LAMA2: variants seen among roughly 807,000 people sequenced by gnomAD.
The protein encoded by LAMA2 is laminin subunit alpha 2, also known as laminin subunit alpha-2.
In LAMA2, 269 loss-of-function variants were observed where a neutral mutation model predicts 364.8. The ratio of observed to expected loss-of-function variants is 0.74; its 90% CI spans 0.67 to 0.82. The LOEUF is 0.82. LAMA2 is among the 40% of genes least tolerant of loss of function. LAMA2 has a pLI of 0.00. For synonymous variants in LAMA2, 1,379 were observed against 1,370.6 expected (o/e 1.01, Z -0.14); for missense variants, 3,807 against 3,873.2 (o/e 0.98, Z 0.45).
chr6:129,446,597 G>A (rs1782400995), intron 45 of LAMA2, among the ~76,000 whole-genome samples: 1 of 137,932 alleles, frequency 7.2e-6, no homozygotes, highest in African/African-American at 2.7e-5. Context: ...AAAGAAAGAA[G>A]GAAGGGCAGT....
chr6:128,891,390 C>T (rs1339135767), intron 1 of LAMA2, among the ~76,000 whole-genome samples: 1 of 151,962 alleles, frequency 6.6e-6, no homozygotes, highest in Non-Finnish European at 1.5e-5. Context: ...CAAATGCCTA[C>T]ATATTATAGT....
intron 12 of LAMA2, among the ~76,000 whole-genome samples, chr6:129,200,367 C>CATATACAT (rs1782185134): frequency 8.3e-6 from 1 of 120,814 alleles, no homozygotes; most frequent in Non-Finnish European, 1.9e-5. Flanking sequence ...TACATATACA[C>CATATACAT]GTGTATGTGT....
At chr6:129,248,539 A>G (rs1407049230) in intron 12 of LAMA2, among the ~76,000 whole-genome samples, 1 of 152,178 alleles carries the variant, frequency 6.6e-6, no homozygotes, top group Non-Finnish European at 1.5e-5. Flanking sequence ...TTTCCTTTTT[A>G]GAGAAGCCAT....
At chr6:129,098,023 C>T in intron 3 of LAMA2, 150 bp from the exon 4 acceptor site, 1 of 931,694 alleles carries the variant, frequency 1.1e-6, no homozygotes, top group South Asian at 1.5e-5. Flanking sequence ...AGATATGAAC[C>T]TGTAATAGTA....
chr6:128,989,658 T>C (rs953911924), intron 1 of LAMA2, among the ~76,000 whole-genome samples: 1 of 152,236 alleles, frequency 6.6e-6, no homozygotes. Context: ...CATCAGGCTT[T>C]GCTTATACTT....
Position 129,192,818 on chromosome 6 carries a change from T to TACTG in LAMA2, c.1748_1751dup (p.Trp584Ter). The TACTG allele has an allele frequency of 6.2e-7, 1 of 1,614,160 alleles. No homozygotes were observed. Among genetic ancestry groups the TACTG allele is most frequent in the African/African-American group, 1.3e-5 (1 of 75,054 alleles). Reference sequence around the variant, plus strand: ...CCGGCAAGCCCTGCCGCACAGCTACTACTGGAGCGCGCCGGCTCCCTATCT... The same window carrying TACTG: ...CCGGCAAGCCCTGCCGCACAGCTACTACTGACTGGAGCGCGCCGGCTCCCTATCT... On this transcript the variant is annotated stop_gained and frameshift_variant, in exon 12 of 65. Transcript: ENST00000421865. LOFTEE classifies it high-confidence loss of function.
chr6:129,144,008 C>T lies in LAMA2; in HGVS notation c.747C>T (p.Arg249=), dbSNP rs530082619. ...TTCGCCTGAGATTTCAGAGGATCCG[C>T]ACACTGAATGCTGACTTGATGATGT... ...RYIRLRFQRI[R]TLNADLMMFA... The change falls in exon 5 of 65, where the codon CGC becomes CGT. Residue 249 remains arginine (R), a synonymous_variant. Coordinates refer to ENST00000421865, the MANE Select transcript of LAMA2 (RefSeq NM_000426.4). 50 of 1,612,618 alleles carry T rather than the reference C, an allele frequency of 3.1e-5. No individual in the cohort carries two copies. Among genetic ancestry groups the T allele is most frequent in the South Asian group, 1.5e-4 (14 of 91,058 alleles).
At chr6:129,305,534 A>G (rs1773812980) in intron 22 of LAMA2, among the ~76,000 whole-genome samples, 1 of 152,042 alleles carries the variant, frequency 6.6e-6, no homozygotes, top group African/African-American at 2.4e-5. Context: ...TATATTGCCC[A>G]TGCTTGTCTC....
At chr6:129,050,147 T>G (rs1787898588) in intron 2 of LAMA2, 59 bp downstream of exon 2, 1 of 1,530,724 alleles carries the variant, frequency 6.5e-7, no homozygotes, top group Non-Finnish European at 9.0e-7. Flanking sequence ...TGTGAGATGT[T>G]GAGGCCAAGT....
intron 4 of LAMA2, among the ~76,000 whole-genome samples, chr6:129,115,569 C>T (rs1325063155): frequency 1.3e-5 from 2 of 152,074 alleles, no homozygotes. Context: ...CCTTAGGAAA[C>T]ACAAACCATG....
At chr6:129,070,887 C>A (rs973736278) in intron 3 of LAMA2, among the ~76,000 whole-genome samples, 1 of 152,090 alleles carries the variant, frequency 6.6e-6, no homozygotes, top group Non-Finnish European at 1.5e-5. Context: ...AAATAAAAGT[C>A]TGAGAGAATT....
chr6:129,359,455 A>G (rs1777340142), intron 32 of LAMA2, among the ~76,000 whole-genome samples: 1 of 151,794 alleles, frequency 6.6e-6, no homozygotes, highest in African/African-American at 2.4e-5. Flanking sequence ...ATGACTCTGG[A>G]ATCAAATTTT....
intron 3 of LAMA2, among the ~76,000 whole-genome samples, chr6:129,063,954 A>T (rs1356995068): frequency 6.6e-6 from 1 of 152,172 alleles, no homozygotes; most frequent in Non-Finnish European, 1.5e-5. Flanking sequence ...AAAACATAAA[A>T]TACGTGGAAA....
At chr6:129,044,135 G>T (rs976570991) in intron 1 of LAMA2, among the ~76,000 whole-genome samples, 8 of 151,788 alleles carry the variant, frequency 5.3e-5, no homozygotes, top group African/African-American at 1.9e-4. Context: ...TGGCTTACCT[G>T]TTCTTAGGTG....
intron 1 of LAMA2, among the ~76,000 whole-genome samples, chr6:128,964,318 T>G (rs1161880962): frequency 6.6e-6 from 1 of 152,076 alleles, no homozygotes; most frequent in African/African-American, 2.4e-5. Context: ...AAGGCAGCAT[T>G]TTAGTAAAAT....
chr6:129,266,128 A>G (rs1276990514), intron 15 of LAMA2, among the ~76,000 whole-genome samples: 3 of 152,086 alleles, frequency 2.0e-5, no homozygotes, highest in Non-Finnish European at 4.4e-5. Context: ...TTTTCATGAT[A>G]TATGATGTTG....
intron 4 of LAMA2, among the ~76,000 whole-genome samples, chr6:129,114,795 T>A (rs1246216552): frequency 1.3e-5 from 2 of 152,018 alleles, no homozygotes; most frequent in African/African-American, 2.4e-5. Context: ...TAAACATATA[T>A]GTATGGTCTT....
intron 28 of LAMA2, among the ~76,000 whole-genome samples, chr6:129,324,388 A>G (rs763347414): frequency 6.6e-6 from 1 of 152,198 alleles, no homozygotes; most frequent in Non-Finnish European, 1.5e-5. Context: ...ATCATCGACT[A>G]TAATTTATGA....
In LAMA2 at chr6:129,489,197, T is replaced by C. The variant is rs181259691; in HGVS notation, c.7898+2575T>C. Reference sequence around the variant, plus strand: ...CAGATTTTCAGACTATGCATGTCAGTCATCATTTCTTTTCCTAAAATCCTG... The same window carrying C: ...CAGATTTTCAGACTATGCATGTCAGCCATCATTTCTTTTCCTAAAATCCTG... On this transcript the variant is annotated intron_variant, in intron 56 of 64. Coordinates refer to ENST00000421865, the MANE Select transcript of LAMA2 (RefSeq NM_000426.4). 2.6e-5 allele frequency among the ~76,000 whole-genome samples: 4 copies of C among 152,340 alleles called. No homozygotes were observed. The East Asian group carries it at 7.7e-4, about 29-fold the overall frequency.
Sources: allele counts gnomAD v4.1 joint callset (sites outside exome capture counted in the v4.1 genomes callset), GRCh38; gene constraint gnomAD v4.1.1; transcripts MANE v1.5; gene names NCBI Gene and HGNC (gene_info 2026-07-23, HGNC 2026-07-21).